The following VPS13D variants were observed in gnomAD, a reference collection of about 807,000 sequenced individuals.
VPS13D encodes vacuolar protein sorting 13 homolog D.
Under a neutral mutation model 461.9 loss-of-function variants are expected in VPS13D, and 187 were observed. The observed-to-expected ratio is 0.40, with a 90% CI of 0.36 to 0.46. VPS13D has a LOEUF of 0.46. Ranked by LOEUF, VPS13D falls within the 20% of genes least tolerant of loss-of-function variation. The probability of loss-of-function intolerance (pLI) is 0.60; values close to 1 mark genes in which losing one functional copy is unlikely to be tolerated. For synonymous variants in VPS13D, 1,951 were observed against 1,986.3 expected (o/e 0.98, Z 0.47); for missense variants, 4,711 against 5,364.9 (o/e 0.88, Z 3.81).
At chr1:12,427,050 G>A (rs1644932456) in intron 65 of VPS13D, among the ~76,000 whole-genome samples, 1 of 151,892 alleles carries the variant, frequency 6.6e-6, no homozygotes. Context: ...ATTTAGTTCT[G>A]TTGAACTGAA....
chr1:12,480,728 G>A (rs1194712807), intron 67 of VPS13D, among the ~76,000 whole-genome samples: 1 of 152,208 alleles, frequency 6.6e-6, no homozygotes, highest in East Asian at 1.9e-4. Flanking sequence ...ATGCCATGAG[G>A]TAGCCAGATG....
At chr1:12,238,425 G>A (rs964385421) in intron 2 of VPS13D, among the ~76,000 whole-genome samples, 1 of 151,482 alleles carries the variant, frequency 6.6e-6, no homozygotes, top group Non-Finnish European at 1.5e-5. Context: ...GCAACAGAGT[G>A]AGACCCTATC....
intron 40 of VPS13D, among the ~76,000 whole-genome samples, chr1:12,340,664 C>T (rs1372147680): frequency 6.6e-6 from 1 of 152,234 alleles, no homozygotes; most frequent in Non-Finnish European, 1.5e-5. Context: ...TTTGCAGCTT[C>T]CTGTAGATGT....
intron 65 of VPS13D, among the ~76,000 whole-genome samples, chr1:12,439,401 A>G (rs188495144): frequency 1.3e-5 from 2 of 152,112 alleles, no homozygotes; most frequent in African/African-American, 2.4e-5. Flanking sequence ...TCCAAATGTC[A>G]CTTTCTCAGG....
intron 8 of VPS13D, 121 bp downstream of exon 8, chr1:12,256,624 C>A: frequency 1.7e-6 from 2 of 1,147,544 alleles, no homozygotes; most frequent in Non-Finnish European, 2.4e-6. Context: ...TCCCTCCAGA[C>A]TAAAGTTGTG....
chr1:12,442,483 G>C (rs1486272338), intron 65 of VPS13D, among the ~76,000 whole-genome samples: 1 of 151,936 alleles, frequency 6.6e-6, no homozygotes, highest in Non-Finnish European at 1.5e-5. Flanking sequence ...TCAAGTTTCT[G>C]TGGCTAACTT....
At chr1:12,311,748 G>A (rs1419020361) in intron 28 of VPS13D, 65 bp from the exon 29 acceptor site, 1 of 1,584,732 alleles carries the variant, frequency 6.3e-7, no homozygotes, top group Non-Finnish European at 8.6e-7. Context: ...AGATTTCTTG[G>A]CGTATGAGCC....
At chr1:12,343,749 A>G (rs1485878802) in intron 42 of VPS13D, among the ~76,000 whole-genome samples, 1 of 152,232 alleles carries the variant, frequency 6.6e-6, no homozygotes, top group Non-Finnish European at 1.5e-5. Flanking sequence ...TTTATTTGAC[A>G]TATGAGGTGA....
At chr1:12,390,819 C>T (rs1644414766) in intron 60 of VPS13D, among the ~76,000 whole-genome samples, 1 of 152,188 alleles carries the variant, frequency 6.6e-6, no homozygotes, top group African/African-American at 2.4e-5. Flanking sequence ...GCATAACCTC[C>T]ATCCCTGCCA....
chr1:12,409,447 A>G (rs1166417513), intron 63 of VPS13D, among the ~76,000 whole-genome samples: 2 of 152,214 alleles, frequency 1.3e-5, no homozygotes, highest in Non-Finnish European at 2.9e-5. Context: ...GTTGCACATG[A>G]AATTTTAATA....
chr1:12,425,417 A>G (rs1195236582), intron 65 of VPS13D, among the ~76,000 whole-genome samples: 1 of 152,000 alleles, frequency 6.6e-6, no homozygotes, highest in Non-Finnish European at 1.5e-5. Flanking sequence ...AAATTAGCTA[A>G]GCGTGGTGGT....
chr1:12,401,830 TAGGA>T, intron 62 of VPS13D, 126 bp downstream of exon 62: 6 of 692,274 alleles, frequency 8.7e-6, no homozygotes, highest in Non-Finnish European at 1.5e-5. Context: ...CAGCCTGAGC[TAGGA>T]AGCTAAGGCT....
intron 65 of VPS13D, among the ~76,000 whole-genome samples, chr1:12,442,999 T>C (rs1437082346): frequency 6.6e-6 from 1 of 152,246 alleles, no homozygotes; most frequent in Admixed American, 6.5e-5. Context: ...TTGCGTAGTA[T>C]ATGTTCAGTT....
intron 50 of VPS13D, among the ~76,000 whole-genome samples, chr1:12,361,553 G>A (rs1159787625): frequency 6.0e-5 from 9 of 150,540 alleles, no homozygotes; most frequent in African/African-American, 1.7e-4. Flanking sequence ...CCGCCACTAC[G>A]CCCGGCTAAT....
intron 46 of VPS13D, among the ~76,000 whole-genome samples, chr1:12,353,110 T>C (rs576431781): frequency 1.3e-5 from 2 of 151,462 alleles, no homozygotes; most frequent in Non-Finnish European, 1.5e-5. Context: ...ACCAATTGGC[T>C]ATCAAGAGGA....
chr1:12,395,361 A>G (rs991567928), intron 60 of VPS13D, among the ~76,000 whole-genome samples: 1 of 152,222 alleles, frequency 6.6e-6, no homozygotes, highest in Admixed American at 6.5e-5. Context: ...TCCAAGTTGC[A>G]GGGTCCCATT....
intron 7 of VPS13D, 190 bp from the exon 8 acceptor site, chr1:12,256,143 A>G (rs1640913390): frequency 2.5e-5 from 14 of 569,920 alleles, no homozygotes; most frequent in South Asian, 9.6e-5. Flanking sequence ...AGACAGGGCA[A>G]TATAGTGAGA....
chr1:12,379,113 T>A (rs1316912621), intron 56 of VPS13D, among the ~76,000 whole-genome samples: 1 of 152,198 alleles, frequency 6.6e-6, no homozygotes, highest in Non-Finnish European at 1.5e-5. Context: ...ACTTACAAGT[T>A]AGAACAGAAA....
In VPS13D at chr1:12,318,234, A is replaced by G; in HGVS notation, c.7311A>G (p.Glu2437=). ...TPSRHRNSSS[E]SAIVPKTVKS... ...CTCGCCACCGTAACTCTAGCAGCGA[A>G]TCTGCTATAGTTCCCAAAACTGTGA... The change falls in exon 31 of 70, where the codon GAA becomes GAG. Residue 2437 remains glutamate (E), a synonymous_variant. Coordinates refer to ENST00000620676, the MANE Select transcript of VPS13D (RefSeq NM_015378.4). 6.2e-7 allele frequency: 1 copy of G among 1,614,198 alleles called. No individual in the cohort carries two copies. Among genetic ancestry groups the G allele is most frequent in the South Asian group, 1.1e-5 (1 of 91,080 alleles).
Sources: allele counts gnomAD v4.1 joint callset (sites outside exome capture counted in the v4.1 genomes callset), GRCh38; gene constraint gnomAD v4.1.1; transcripts MANE v1.5; gene names NCBI Gene and HGNC (gene_info 2026-07-23, HGNC 2026-07-21).